LARGE1: variants seen among roughly 807,000 people sequenced by gnomAD.
LARGE1 encodes the protein LARGE xylosyl- and glucuronyltransferase 1.
A neutral mutation model predicts 87.6 loss-of-function variants in LARGE1; 43 were observed. The observed-to-expected ratio is 0.49, with a 90% confidence interval of 0.38 to 0.63. The LOEUF (loss-of-function observed/expected upper bound fraction) is 0.63, where lower values mean the gene tolerates loss of function less well. Among genes scored for constraint, LARGE1 ranks in the 30% least tolerant of loss-of-function variants. LARGE1 has a pLI of 0.00. For synonymous variants in LARGE1, 434 were observed against 394.6 expected, an observed-to-expected ratio of 1.10 and a Z score of -1.18; for missense variants, 802 against 1,000.2, an observed-to-expected ratio of 0.80 and a Z score of 2.67.
chr22:33,840,579 T>C (rs1174172171), intron 1 of LARGE1, among the ~76,000 whole-genome samples: 1 of 152,176 alleles, frequency 6.6e-6, no homozygotes, highest in African/African-American at 2.4e-5. Flanking sequence ...AAAGTACTAT[T>C]GGATCTATTG....
intron 2 of LARGE1, among the ~76,000 whole-genome samples, chr22:33,722,932 T>C (rs943443897): frequency 5.9e-5 from 9 of 152,022 alleles, no homozygotes; most frequent in African/African-American, 2.2e-4. Context: ...TTTGATGACG[T>C]TGTAAAGGGA....
At chr22:33,724,944 G>A (rs1447483521) in intron 2 of LARGE1, 1 of 152,414 alleles carries the variant, frequency 6.6e-6, no homozygotes, top group African/African-American at 2.4e-5. Context: ...GGAGGAGGAG[G>A]GTTCTGATTC....
intron 1 of LARGE1, among the ~76,000 whole-genome samples, chr22:33,777,800 A>T (rs1314495057): frequency 6.6e-6 from 1 of 152,152 alleles, no homozygotes; most frequent in Non-Finnish European, 1.5e-5. Flanking sequence ...GTTTAGGTGG[A>T]GGCCCAAAGG....
At chr22:33,515,207 G>GCCA (rs2071246912) in intron 6 of LARGE1, among the ~76,000 whole-genome samples, 1 of 151,932 alleles carries the variant, frequency 6.6e-6, no homozygotes. Context: ...TGACCCCAAA[G>GCCA]CCACACTTGT....
chr22:33,603,783 G>A (rs373547647), intron 5 of LARGE1, among the ~76,000 whole-genome samples: 2 of 152,118 alleles, frequency 1.3e-5, no homozygotes, highest in African/African-American at 2.4e-5. Context: ...CTTCTTAATC[G>A]GGCTGTGGGT....
chr22:33,170,630 A>C (rs2146136016), intron 11 of LARGE1, among the ~76,000 whole-genome samples: 1 of 152,284 alleles, frequency 6.6e-6, no homozygotes, highest in South Asian at 2.1e-4. Context: ...CCTTGGGAAG[A>C]AGGTACTTGC....
chr22:33,080,446 A>C, the LARGE1 span, among the ~76,000 whole-genome samples: 2 of 152,222 alleles, frequency 1.3e-5, no homozygotes, highest in East Asian at 3.9e-4. Context: ...AATGACCTTC[A>C]TACAGAATGT....
chr22:33,140,359 A>G, the LARGE1 span, among the ~76,000 whole-genome samples: 1 of 152,254 alleles, frequency 6.6e-6, no homozygotes, highest in African/African-American at 2.4e-5. Context: ...TTGTAGCTCA[A>G]GTGCTACAGT....
intron 11 of LARGE1, among the ~76,000 whole-genome samples, chr22:33,193,906 A>C (rs2146197092): frequency 6.8e-6 from 1 of 146,776 alleles, no homozygotes; most frequent in Non-Finnish European, 1.5e-5. Context: ...TATGTTTTAT[A>C]TATTATATAT....
In LARGE1 at chr22:33,675,224, G is replaced by A. The variant is rs190242697; in HGVS notation, c.107-24556C>T. ...CAGCAGAATCGCTTGAACCCGGGAG[G>A]CAGAGGTTGCGGTGAGCCAAGATTG... On this transcript the variant is annotated intron_variant, in intron 2 of 14. Transcript: ENST00000397394. Among the ~76,000 whole-genome samples the A allele has an allele frequency of 3.9e-3, 565 of 145,118 alleles. 3 individuals carry two copies. The highest frequency in any genetic ancestry group is 0.014 in the African/African-American group (545 of 38,774).
chr22:33,211,434 A>G (rs1924953629), intron 11 of LARGE1, among the ~76,000 whole-genome samples: 1 of 152,184 alleles, frequency 6.6e-6, no homozygotes. Flanking sequence ...CTTGTCCCAA[A>G]CAGCCTAGCT....
chr22:33,365,576 T>C (rs2064554625), intron 9 of LARGE1, among the ~76,000 whole-genome samples: 1 of 152,218 alleles, frequency 6.6e-6, no homozygotes, highest in Admixed American at 6.5e-5. Context: ...TAGTGCTCTC[T>C]TGTCAGTTAC....
chr22:33,370,826 C>T (rs769994732), intron 9 of LARGE1, among the ~76,000 whole-genome samples: 2 of 148,598 alleles, frequency 1.3e-5, no homozygotes, highest in South Asian at 2.1e-4. Context: ...TAATTTAACA[C>T]TGTTAAATTA....
chr22:33,299,612 T>C (rs1047823956), intron 12 of LARGE1, among the ~76,000 whole-genome samples: 1 of 152,088 alleles, frequency 6.6e-6, no homozygotes, highest in Non-Finnish European at 1.5e-5. Context: ...AGTCCAATAC[T>C]GAATAGGCCA....
At chr22:33,284,128 T>C (rs1184477133) in intron 12 of LARGE1, among the ~76,000 whole-genome samples, 1 of 152,052 alleles carries the variant, frequency 6.6e-6, no homozygotes, top group African/African-American at 2.4e-5. Flanking sequence ...CAGTGTGTGC[T>C]CCTGCCAGCC....
chr22:33,604,842 T>C (rs1412340920), intron 4 of LARGE1, among the ~76,000 whole-genome samples: 2 of 152,214 alleles, frequency 1.3e-5, no homozygotes, highest in African/African-American at 4.8e-5. Flanking sequence ...GTTATTAGGA[T>C]TCATTTTTTT....
chr22:33,170,721 T>C (rs1195800530), intron 11 of LARGE1, among the ~76,000 whole-genome samples: 2 of 152,230 alleles, frequency 1.3e-5, no homozygotes, highest in Non-Finnish European at 2.9e-5. Context: ...TTAAATCTCT[T>C]TCCTTTAAAA....
intron 1 of LARGE1, among the ~76,000 whole-genome samples, chr22:33,789,294 G>A (rs2085747871): frequency 6.6e-6 from 1 of 152,238 alleles, no homozygotes; most frequent in South Asian, 2.1e-4. Context: ...GTAAAGAGAA[G>A]TCAATAATTG....
chr22:33,468,388 G>A (rs983237469), intron 6 of LARGE1, among the ~76,000 whole-genome samples: 2 of 152,134 alleles, frequency 1.3e-5, no homozygotes, highest in African/African-American at 4.8e-5. Context: ...GATCACTTGA[G>A]TTCAGGAATT....
Sources: allele counts gnomAD v4.1 joint callset (sites outside exome capture counted in the v4.1 genomes callset), GRCh38; gene constraint gnomAD v4.1.1; transcripts MANE v1.5; gene names NCBI Gene and HGNC (gene_info 2026-07-23, HGNC 2026-07-21).